Variants in NFASC observed in about 807,000 individuals in gnomAD.
NFASC encodes the protein neurofascin.
NFASC carries 43 observed loss-of-function variants against 147.5 expected under a neutral mutation model. That is an observed-to-expected ratio of 0.29 (90% CI 0.23 to 0.38). The LOEUF is 0.38. Ranked by LOEUF, NFASC falls within the 10% of genes least tolerant of loss-of-function variation. The pLI is 1.00. For synonymous variants in NFASC, 622 were observed against 665.5 expected (o/e 0.93, Z 1.01); for missense variants, 1,320 against 1,689.0 (o/e 0.78, Z 3.83).
intron 1 of NFASC, among the ~76,000 whole-genome samples, chr1:204,909,725 A>G (rs1356976881): frequency 6.6e-6 from 1 of 152,160 alleles, no homozygotes; most frequent in African/African-American, 2.4e-5. Context: ...TGGCCATCCA[A>G]TTTGAGTTTG....
chr1:204,833,480 T>C (rs1346252234), intron 1 of NFASC, among the ~76,000 whole-genome samples: 1 of 61,384 alleles, frequency 1.6e-5, no homozygotes, highest in Non-Finnish European at 3.2e-5. Flanking sequence ...CAACCCCAGG[T>C]AGAAAAATAA....
intron 27 of NFASC, among the ~76,000 whole-genome samples, chr1:205,003,357 G>C (rs913846436): frequency 1.3e-5 from 2 of 152,314 alleles, no homozygotes; most frequent in African/African-American, 2.4e-5. Context: ...CTCCAGAACC[G>C]GAAAGGTTCT....
intron 16 of NFASC, among the ~76,000 whole-genome samples, chr1:204,977,447 C>T (rs1328110961): frequency 1.3e-5 from 2 of 152,180 alleles, no homozygotes; most frequent in African/African-American, 4.8e-5. Flanking sequence ...GGCCCAGACA[C>T]GATAGTCACA....
At chr1:204,999,831 C>G (rs1481853994) in intron 25 of NFASC, 1 of 152,230 alleles carries the variant, frequency 6.6e-6, no homozygotes, top group Non-Finnish European at 1.5e-5. Flanking sequence ...CCAATGCACT[C>G]TATTCATTTA....
intron 24 of NFASC, 50 bp downstream of exon 24, chr1:204,991,356 C>G (rs370183978): frequency 6.3e-7 from 1 of 1,596,306 alleles, no homozygotes; most frequent in African/African-American, 1.3e-5. Context: ...GCAGCGCAGG[C>G]GGAGCCCAGC....
chr1:204,923,031 G>A (rs760567408), intron 2 of NFASC, among the ~76,000 whole-genome samples: 12 of 152,198 alleles, frequency 7.9e-5, no homozygotes, highest in Non-Finnish European at 1.5e-4. Flanking sequence ...AGAGGTTAAG[G>A]AACTTGCCCA....
At chr1:204,931,084 A>AG (rs1163419726) in intron 2 of NFASC, among the ~76,000 whole-genome samples, 3 of 151,762 alleles carry the variant, frequency 2.0e-5, no homozygotes, top group Non-Finnish European at 4.4e-5. Context: ...AAGAAGAAGA[A>AG]AAAAAAAAGA....
At chr1:204,874,313 A>G (rs1193809822) in intron 1 of NFASC, among the ~76,000 whole-genome samples, 1 of 152,200 alleles carries the variant, frequency 6.6e-6, no homozygotes, top group Non-Finnish European at 1.5e-5. Context: ...GAGCCAGTGC[A>G]AGACCACATG....
chr1:204,948,535 G>A, intron 3 of NFASC: 1 of 514,002 alleles, frequency 1.9e-6, no homozygotes, highest in Non-Finnish European at 3.9e-6. Flanking sequence ...GAGTCCTGAG[G>A]CCCCAGCTGG....
intron 1 of NFASC, among the ~76,000 whole-genome samples, chr1:204,860,784 T>A (rs1164454917): frequency 6.6e-6 from 1 of 152,200 alleles, no homozygotes; most frequent in Non-Finnish European, 1.5e-5. Flanking sequence ...TAATCAGTTT[T>A]TTCTCTATAG....
intron 1 of NFASC, among the ~76,000 whole-genome samples, chr1:204,876,574 C>G (rs766150342): frequency 3.9e-5 from 6 of 152,168 alleles, no homozygotes; most frequent in Non-Finnish European, 8.8e-5. Flanking sequence ...TGCTCCCCAA[C>G]TAGAACTGAC....
chr1:204,980,300 G>A, intron 19 of NFASC, 70 bp from the exon 20 acceptor site: 2 of 1,200,362 alleles, frequency 1.7e-6, no homozygotes, highest in East Asian at 2.4e-5. Context: ...AGGTAGGACA[G>A]AGGAAGGTTC....
rs1676257444 is a variant in NFASC at position 204,844,016 on chromosome 1, G to A, written c.-200+15234G>A. On this transcript the variant is annotated intron_variant, in intron 1 of 29. Transcript: ENST00000339876. ...GCCTCCCAAAGTGCTGGGATTACAG[G>A]CATGAGCCACTGTGCCTGGCCCCAG... is the stretch of plus-strand genomic sequence containing the variant. 2.6e-5 allele frequency among the ~76,000 whole-genome samples: 4 copies of A among 152,266 alleles called. No homozygotes were observed. The South Asian group carries it at 8.3e-4, about 32-fold the overall frequency.
Position 204,977,741 on chromosome 1 carries a change from C to A in NFASC, c.1876+16C>A. On this transcript the variant is annotated intron_variant, in intron 17 of 29. Transcript: ENST00000339876. ...CTGCCCAAAGGTAATTCCCACTAAT[C>A]ACAGTCCCCTGCCAGTGCCCTCTCT... 2.5e-6 allele frequency: 4 copies of A among 1,605,466 alleles called. No homozygotes were observed. Among genetic ancestry groups the A allele is most frequent in the Non-Finnish European group, 3.4e-6 (4 of 1,173,322 alleles).
At chr1:204,940,898 G>C (rs186904802) in intron 2 of NFASC, among the ~76,000 whole-genome samples, 1 of 152,228 alleles carries the variant, frequency 6.6e-6, no homozygotes, top group Non-Finnish European at 1.5e-5. Flanking sequence ...TGATGCTGCT[G>C]TGAACATTTT....
At chr1:204,988,854 C>T (rs375735773) in intron 23 of NFASC, 48 bp downstream of exon 23, 82 of 1,567,070 alleles carry the variant, frequency 5.2e-5, no homozygotes, top group Non-Finnish European at 6.7e-5. Context: ...CAGCTAATTC[C>T]GAGGCCTAGA....
intron 8 of NFASC, among the ~76,000 whole-genome samples, chr1:204,967,623 G>A (rs1169382863): frequency 2.7e-5 from 4 of 147,862 alleles, no homozygotes; most frequent in South Asian, 4.2e-4. Context: ...CTGTCTTCCC[G>A]AGTCATTAGT....
intron 1 of NFASC, among the ~76,000 whole-genome samples, chr1:204,830,000 G>A (rs1359861820): frequency 8.2e-6 from 1 of 122,330 alleles, no homozygotes; most frequent in Non-Finnish European, 1.7e-5. Context: ...TGGCATTTTG[G>A]CATGGGGTGT....
intron 2 of NFASC, among the ~76,000 whole-genome samples, chr1:204,932,708 G>A (rs1024188328): frequency 3.9e-5 from 6 of 152,186 alleles, no homozygotes; most frequent in African/African-American, 7.2e-5. Context: ...TTCAGTAGTC[G>A]TGACAGAAAG....
Sources: allele counts gnomAD v4.1 joint callset (sites outside exome capture counted in the v4.1 genomes callset), GRCh38; gene constraint gnomAD v4.1.1; transcripts MANE v1.5; gene names NCBI Gene and HGNC (gene_info 2026-07-23, HGNC 2026-07-21).